RASEF: variants seen among roughly 807,000 people sequenced by gnomAD.
RASEF encodes the protein ras and EF-hand domain-containing protein.
A neutral mutation model predicts 90.1 loss-of-function variants in RASEF; 68 were observed. That is an observed-to-expected ratio of 0.75 (90% CI 0.62 to 0.92). The LOEUF (loss-of-function observed/expected upper bound fraction) is 0.92, where lower values mean the gene tolerates loss of function less well. Among genes scored for constraint, RASEF ranks in the 40% least tolerant of loss-of-function variants. RASEF has a pLI of 0.00. For missense variants in RASEF, 949 were observed against 937.2 expected (o/e 1.01, Z -0.16); for synonymous variants, 331 against 345.2 (o/e 0.96, Z 0.46).
chr9:83,197,873 C>T, the RASEF span, among the ~76,000 whole-genome samples: 2 of 152,216 alleles, frequency 1.3e-5, no homozygotes, highest in African/African-American at 4.8e-5. Flanking sequence ...GAGGGTCTCT[C>T]CTCTGCTTCC....
the RASEF span, among the ~76,000 whole-genome samples, chr9:83,210,825 A>G: frequency 6.6e-6 from 1 of 152,222 alleles, no homozygotes; most frequent in African/African-American, 2.4e-5. Flanking sequence ...GGTTTCCCCG[A>G]CACATGGCCA....
the RASEF span, among the ~76,000 whole-genome samples, chr9:83,094,165 T>A: frequency 6.6e-6 from 1 of 151,756 alleles, no homozygotes; most frequent in Non-Finnish European, 1.5e-5. Context: ...CCATTCCTGT[T>A]CCACAAGATC....
the RASEF span, among the ~76,000 whole-genome samples, chr9:83,213,723 A>G: frequency 1.3e-5 from 2 of 152,322 alleles, no homozygotes; most frequent in Admixed American, 6.5e-5. Flanking sequence ...GTTATTTTAC[A>G]TATATTTATC....
In RASEF at chr9:82,993,335, G is replaced by A. The variant is rs143823877; in HGVS notation, c.1921-310C>T. On this transcript the variant is annotated intron_variant, in intron 14 of 16. Transcript: ENST00000376447. ...CTTAGGTTAATGAAAAGACTAAAAG[G>A]CACTGGGATTAATCAGTTTTATGGC... is the stretch of plus-strand genomic sequence containing the variant. Among the ~76,000 whole-genome samples, 3 of 152,148 alleles carry A rather than the reference G, an allele frequency of 2.0e-5. No individual in the cohort carries two copies. In the East Asian group the frequency reaches 5.8e-4, roughly 29 times the overall value.
chr9:83,189,572 T>C, the RASEF span, among the ~76,000 whole-genome samples: 1 of 152,220 alleles, frequency 6.6e-6, no homozygotes, highest in Admixed American at 6.5e-5. Flanking sequence ...TTTGAAAAGC[T>C]GTAATCCCAA....
chr9:83,149,628 C>A, the RASEF span, among the ~76,000 whole-genome samples: 2 of 152,116 alleles, frequency 1.3e-5, no homozygotes, highest in East Asian at 3.9e-4. Flanking sequence ...GGGCTTGAAC[C>A]CAGTGGCTTT....
the RASEF span, among the ~76,000 whole-genome samples, chr9:83,182,108 A>T: frequency 2.0e-5 from 3 of 152,152 alleles, no homozygotes; most frequent in African/African-American, 2.4e-5. Context: ...CTCCTTGACC[A>T]TCCTGTAACC....
At chr9:83,195,712 G>C in the RASEF span, among the ~76,000 whole-genome samples, 3 of 152,092 alleles carry the variant, frequency 2.0e-5, no homozygotes, top group African/African-American at 7.2e-5. Context: ...TAAAGAGGCA[G>C]GGCAGGTTGG....
chr9:83,108,874 C>A, the RASEF span, among the ~76,000 whole-genome samples: 3 of 152,072 alleles, frequency 2.0e-5, no homozygotes, highest in African/African-American at 7.2e-5. Flanking sequence ...CATTTGTTCT[C>A]CCTCAAGGGA....
chr9:83,147,762 G>A, the RASEF span, among the ~76,000 whole-genome samples: 1 of 152,048 alleles, frequency 6.6e-6, no homozygotes, highest in Non-Finnish European at 1.5e-5. Flanking sequence ...CTTGAAGGAC[G>A]GTTAATTCAG....
the RASEF span, among the ~76,000 whole-genome samples, chr9:83,217,893 T>C: frequency 6.6e-6 from 1 of 152,232 alleles, no homozygotes; most frequent in Non-Finnish European, 1.5e-5. Flanking sequence ...AAGGTAATTA[T>C]AAATGTTACT....
the RASEF span, among the ~76,000 whole-genome samples, chr9:83,121,731 G>A: frequency 6.6e-6 from 1 of 152,132 alleles, no homozygotes; most frequent in Non-Finnish European, 1.5e-5. Flanking sequence ...TAAGAGAGCT[G>A]ACGCTACAAA....
chr9:83,133,806 C>G, the RASEF span, among the ~76,000 whole-genome samples: 2 of 152,136 alleles, frequency 1.3e-5, no homozygotes, highest in African/African-American at 4.8e-5. Context: ...TTTCCCCTTT[C>G]CCTGAGGTTC....
At chr9:83,008,148 C>G (rs1017224140) in intron 6 of RASEF, among the ~76,000 whole-genome samples, 1 of 152,122 alleles carries the variant, frequency 6.6e-6, no homozygotes, top group African/African-American at 2.4e-5. Flanking sequence ...CTGGCCCTCT[C>G]CTCCAGCCCC....
the RASEF span, among the ~76,000 whole-genome samples, chr9:83,168,242 A>T: frequency 2.6e-3 from 399 of 152,192 alleles, 3 homozygotes; most frequent in African/African-American, 8.9e-3. Context: ...GATTTACATT[A>T]CTTTGATGTT....
chr9:83,167,568 G>T, the RASEF span, among the ~76,000 whole-genome samples: 1 of 152,036 alleles, frequency 6.6e-6, no homozygotes, highest in Non-Finnish European at 1.5e-5. Flanking sequence ...CATACAATCA[G>T]AGGTTTTTGG....
At chr9:83,209,049 T>C in the RASEF span, among the ~76,000 whole-genome samples, 1 of 152,206 alleles carries the variant, frequency 6.6e-6, no homozygotes, top group African/African-American at 2.4e-5. Flanking sequence ...TGCCATTCAG[T>C]TGGGCAGCAA....
the RASEF span, among the ~76,000 whole-genome samples, chr9:83,198,677 G>A: frequency 2.0e-5 from 3 of 152,122 alleles, no homozygotes; most frequent in African/African-American, 7.2e-5. Context: ...TCATGAGCCT[G>A]AAAAACAGAA....
At chr9:83,147,026 GTGTATATATATATGTATA>G in the RASEF span, among the ~76,000 whole-genome samples, 1 of 118,114 alleles carries the variant, frequency 8.5e-6, no homozygotes, top group South Asian at 2.9e-4. Flanking sequence ...GTGTGTGTGT[GTGTATATATATATGTATA>G]TATATATATA....
Sources: gnomAD v4.1 joint callset for allele counts (sites outside exome capture counted in the v4.1 genomes callset) on GRCh38, gnomAD v4.1.1 for gene constraint, MANE v1.5 for transcripts, NCBI Gene and HGNC (gene_info 2026-07-23, HGNC 2026-07-21) for gene names.